Variants in PHF21A observed in about 807,000 individuals in gnomAD.
The protein encoded by PHF21A is PHD finger protein 21A.
A neutral mutation model predicts 82.5 loss-of-function variants in PHF21A; 11 were observed. That is an observed-to-expected ratio of 0.13 (90% CI 0.08 to 0.22). PHF21A has a LOEUF of 0.22. PHF21A is among the 10% of genes least tolerant of loss of function. PHF21A has a pLI of 1.00. For synonymous variants in PHF21A, 297 were observed against 302.8 expected, an observed-to-expected ratio of 0.98 and a Z score of 0.20; for missense variants, 579 against 837.8, an observed-to-expected ratio of 0.69 and a Z score of 3.81.
intron 18 of PHF21A, 196 bp downstream of exon 18, chr11:45,935,440 A>G: frequency 1.5e-6 from 1 of 656,690 alleles, no homozygotes; most frequent in Non-Finnish European, 2.6e-6. Flanking sequence ...TGGGTAAGGC[A>G]CCACCTACCA....
At chr11:46,015,741 C>T (rs770468361) in intron 6 of PHF21A, among the ~76,000 whole-genome samples, 28 of 152,126 alleles carry the variant, frequency 1.8e-4, no homozygotes, top group Non-Finnish European at 1.9e-4. Flanking sequence ...GGGTCACAAT[C>T]ATCAATATTA....
At chr11:45,974,153 G>C (rs1210520696) in intron 7 of PHF21A, among the ~76,000 whole-genome samples, 1 of 151,996 alleles carries the variant, frequency 6.6e-6, no homozygotes, top group Non-Finnish European at 1.5e-5. Context: ...TAGTATACAG[G>C]CACAAGACCT....
chr11:46,107,015 C>T (rs2097159581), intron 1 of PHF21A, among the ~76,000 whole-genome samples: 1 of 152,186 alleles, frequency 6.6e-6, no homozygotes, highest in Non-Finnish European at 1.5e-5. Context: ...TCCAGCTGTC[C>T]CCACGGCTGC....
chr11:46,054,251 T>A (rs369528221), intron 6 of PHF21A, among the ~76,000 whole-genome samples: 13 of 152,300 alleles, frequency 8.5e-5, no homozygotes, highest in African/African-American at 3.1e-4. Context: ...AGAGTATTAA[T>A]ATGATAGTAA....
intron 6 of PHF21A, among the ~76,000 whole-genome samples, chr11:46,007,534 G>A (rs1450891832): frequency 2.0e-5 from 3 of 151,956 alleles, no homozygotes; most frequent in Admixed American, 2.0e-4. Flanking sequence ...GGCTGGTCTC[G>A]AACTCCTGAC....
chr11:46,089,046 T>C (rs1333164008), intron 3 of PHF21A, among the ~76,000 whole-genome samples: 1 of 27,488 alleles, frequency 3.6e-5, no homozygotes, highest in South Asian at 1.1e-3. Flanking sequence ...CATGACACAG[T>C]GTGCCCCAAA....
intron 10 of PHF21A, among the ~76,000 whole-genome samples, chr11:45,957,554 T>C (rs1055958838): frequency 1.3e-5 from 2 of 151,042 alleles, no homozygotes; most frequent in Non-Finnish European, 3.0e-5. Flanking sequence ...AAAGAAGAAA[T>C]CACTAGGGAA....
At chr11:46,054,999 T>C (rs2096430847) in intron 6 of PHF21A, among the ~76,000 whole-genome samples, 1 of 152,180 alleles carries the variant, frequency 6.6e-6, no homozygotes, top group Non-Finnish European at 1.5e-5. Context: ...TTTGCTAATC[T>C]TGTAATACAG....
intron 1 of PHF21A, among the ~76,000 whole-genome samples, chr11:46,114,804 A>C (rs945478799): frequency 6.6e-6 from 1 of 152,198 alleles, no homozygotes; most frequent in Non-Finnish European, 1.5e-5. Flanking sequence ...AGCAGAAAAA[A>C]AATCAATTCC....
intron 6 of PHF21A, among the ~76,000 whole-genome samples, chr11:45,983,203 T>TCC (rs750633870): frequency 6.6e-6 from 1 of 150,404 alleles, no homozygotes; most frequent in Non-Finnish European, 1.5e-5. Flanking sequence ...CAACTGCTCC[T>TCC]CCCCCAGGGC....
At chr11:46,114,534 G>A (rs2097264068) in intron 1 of PHF21A, among the ~76,000 whole-genome samples, 1 of 152,124 alleles carries the variant, frequency 6.6e-6, no homozygotes, top group South Asian at 2.1e-4. Flanking sequence ...AAAGTGACGG[G>A]CTACTATAAA....
chr11:45,968,122 T>A (rs1158599138), intron 9 of PHF21A, among the ~76,000 whole-genome samples: 2 of 152,228 alleles, frequency 1.3e-5, no homozygotes, highest in African/African-American at 4.8e-5. Flanking sequence ...GCATAGTACC[T>A]AGTATGTAGC....
Position 45,979,864 on chromosome 11 carries a change from T to A in PHF21A, c.256A>T (p.Thr86Ser), listed in dbSNP as rs754235811. The A allele has an allele frequency of 1.2e-6, 2 of 1,614,148 alleles. No homozygotes were observed. The highest frequency in any genetic ancestry group is 2.2e-5 in the South Asian group (2 of 91,086). Residue 86 changes from threonine to serine, a missense_variant, in exon 7 of 19, where the codon ACA (threonine) becomes TCA (serine). Transcript: ENST00000676320. Reference protein sequence around the residue: ...PLPQSENKLQTAQQQPLQQLQ... With the variant: ...PLPQSENKLQSAQQQPLQQLQ... ...TGCTGTAGTGGTTGCTGCTGTGCTG[T>A]TTGTAGTTTGTTTTCAGATTGTGGC...
chr11:46,032,658 C>T (rs1391009306), intron 6 of PHF21A, among the ~76,000 whole-genome samples: 1 of 152,080 alleles, frequency 6.6e-6, no homozygotes, highest in Non-Finnish European at 1.5e-5. Context: ...TCTGAAAAGG[C>T]TATATATACT....
At chr11:45,935,572 A>G (rs746660583) in intron 18 of PHF21A, 64 bp downstream of exon 18, 3 of 865,176 alleles carry the variant, frequency 3.5e-6, no homozygotes, top group Non-Finnish European at 5.9e-6. Flanking sequence ...ACTGTTACGT[A>G]TATTGGAAAG....
At chr11:45,954,481 GA>G (rs2092469241) in intron 10 of PHF21A, among the ~76,000 whole-genome samples, 1 of 152,086 alleles carries the variant, frequency 6.6e-6, no homozygotes, top group African/African-American at 2.4e-5. Flanking sequence ...TCAGAGGAGA[GA>G]TGCAATTGCT....
intron 1 of PHF21A, among the ~76,000 whole-genome samples, chr11:46,110,046 C>T (rs549946442): frequency 5.3e-5 from 8 of 150,836 alleles, no homozygotes; most frequent in African/African-American, 2.0e-4. Flanking sequence ...TTGGTTCTAA[C>T]TCATTATTTA....
intron 10 of PHF21A, among the ~76,000 whole-genome samples, chr11:45,964,135 T>C (rs568798541): frequency 1.3e-4 from 19 of 149,762 alleles, no homozygotes; most frequent in Admixed American, 7.3e-4. Flanking sequence ...GAGGCGGAGG[T>C]TGCAGTGAGC....
chr11:46,118,417 T>TAA (rs10718245), intron 1 of PHF21A, among the ~76,000 whole-genome samples: 9 of 131,508 alleles, frequency 6.8e-5, no homozygotes, highest in African/African-American at 2.5e-4. Flanking sequence ...AGTCTGATGT[T>TAA]AAAAAAAAAA....
Sources: allele counts gnomAD v4.1 joint callset (sites outside exome capture counted in the v4.1 genomes callset), GRCh38; gene constraint gnomAD v4.1.1; transcripts MANE v1.5; gene names NCBI Gene and HGNC (gene_info 2026-07-23, HGNC 2026-07-21).